The following LRMDA variants were observed in gnomAD, a reference collection of about 807,000 sequenced individuals.
The protein encoded by LRMDA is leucine rich melanocyte differentiation associated.
Under a neutral mutation model 29.8 loss-of-function variants are expected in LRMDA, and 18 were observed. The observed-to-expected ratio is 0.60, with a 90% confidence interval of 0.42 to 0.90. The LOEUF is 0.90. Ranked by LOEUF, LRMDA falls within the 40% of genes least tolerant of loss-of-function variation. The pLI, the probability that LRMDA is intolerant of heterozygous loss-of-function variation, is 0.00. For synonymous variants in LRMDA, 125 were observed against 109.4 expected (o/e 1.14, Z -0.89); for missense variants, 273 against 273.9 (o/e 1.00, Z 0.02).
intron 2 of LRMDA, among the ~76,000 whole-genome samples, chr10:75,728,285 C>A (rs887640583): frequency 2.0e-5 from 3 of 152,142 alleles, no homozygotes; most frequent in Non-Finnish European, 4.4e-5. Flanking sequence ...ATAACAATAA[C>A]CCAGACCAAC....
intron 5 of LRMDA, among the ~76,000 whole-genome samples, chr10:76,203,668 A>G (rs901461897): frequency 4.0e-5 from 6 of 151,778 alleles, no homozygotes; most frequent in African/African-American, 1.5e-4. Context: ...CCGTCCACCC[A>G]TCTCTATTCC....
chr10:76,164,803 T>G (rs911703140), intron 5 of LRMDA, among the ~76,000 whole-genome samples: 1 of 152,208 alleles, frequency 6.6e-6, no homozygotes, highest in African/African-American at 2.4e-5. Flanking sequence ...TTTTATTGAA[T>G]TTATTTATTT....
intron 2 of LRMDA, among the ~76,000 whole-genome samples, chr10:75,454,608 G>A (rs1375890715): frequency 6.6e-6 from 1 of 152,208 alleles, no homozygotes; most frequent in East Asian, 1.9e-4. Flanking sequence ...CTCCGAAAGT[G>A]CTGTGAGCCA....
intron 6 of LRMDA, among the ~76,000 whole-genome samples, chr10:76,332,989 G>T (rs558577610): frequency 6.6e-6 from 1 of 152,302 alleles, no homozygotes; most frequent in South Asian, 2.1e-4. Context: ...AGCTGCAAAT[G>T]CTCTCAACGT....
intron 5 of LRMDA, among the ~76,000 whole-genome samples, chr10:76,245,463 C>G (rs1056043745): frequency 6.6e-6 from 1 of 152,176 alleles, no homozygotes; most frequent in Non-Finnish European, 1.5e-5. Flanking sequence ...GTACATTTCC[C>G]TATGTCTCCG....
intron 2 of LRMDA, among the ~76,000 whole-genome samples, chr10:75,652,916 T>A (rs1407186252): frequency 1.3e-5 from 2 of 152,238 alleles, no homozygotes; most frequent in Non-Finnish European, 2.9e-5. Context: ...GTAAAGCTCA[T>A]ACTTTTATTT....
chr10:75,553,801 A>G (rs530243847), intron 2 of LRMDA, among the ~76,000 whole-genome samples: 1 of 152,158 alleles, frequency 6.6e-6, no homozygotes, highest in Admixed American at 6.5e-5. Flanking sequence ...GCAAGATTTC[A>G]TGCCTGTGCA....
At chr10:75,781,497 C>G (rs1484670296) in intron 2 of LRMDA, among the ~76,000 whole-genome samples, 1 of 152,026 alleles carries the variant, frequency 6.6e-6, no homozygotes, top group South Asian at 2.1e-4. Context: ...TAGAGTATAC[C>G]GTTTGTGGAG....
At chr10:75,489,138 C>T (rs566911639) in intron 2 of LRMDA, among the ~76,000 whole-genome samples, 50 of 151,164 alleles carry the variant, frequency 3.3e-4, no homozygotes, top group Middle Eastern at 3.4e-3. Context: ...TGAACCGCCT[C>T]GACCATGGAG....
At chr10:75,940,116 C>T (rs1046563132) in intron 2 of LRMDA, among the ~76,000 whole-genome samples, 1 of 152,122 alleles carries the variant, frequency 6.6e-6, no homozygotes, top group Non-Finnish European at 1.5e-5. Flanking sequence ...GAGTACCTAA[C>T]TTAATTCTGG....
At chr10:75,856,242 G>A (rs1044206400) in intron 2 of LRMDA, among the ~76,000 whole-genome samples, 2 of 152,062 alleles carry the variant, frequency 1.3e-5, no homozygotes, top group African/African-American at 4.8e-5. Flanking sequence ...TTATTTCATT[G>A]AGCAGTGGTT....
At chr10:75,762,111 C>A (rs1843105153) in intron 2 of LRMDA, among the ~76,000 whole-genome samples, 1 of 152,156 alleles carries the variant, frequency 6.6e-6, no homozygotes, top group Admixed American at 6.5e-5. Context: ...CCATGCCAGG[C>A]CTGGCATAAT....
At chr10:76,315,565 G>A (rs548159944) in intron 5 of LRMDA, among the ~76,000 whole-genome samples, 5 of 152,258 alleles carry the variant, frequency 3.3e-5, no homozygotes, top group African/African-American at 1.2e-4. Context: ...AGCGCCCCCT[G>A]CTGCCTTGGC....
intron 2 of LRMDA, among the ~76,000 whole-genome samples, chr10:75,834,445 C>T (rs1232484874): frequency 6.6e-6 from 1 of 152,156 alleles, no homozygotes; most frequent in Non-Finnish European, 1.5e-5. Context: ...GGCAGTGAAC[C>T]TCCTAATTTT....
intron 5 of LRMDA, among the ~76,000 whole-genome samples, chr10:76,118,862 T>G (rs1457024471): frequency 6.8e-6 from 1 of 147,250 alleles, no homozygotes; most frequent in Non-Finnish European, 1.5e-5. Flanking sequence ...TTTTTTTTTT[T>G]TTTGAGCAGT....
chr10:76,181,565 T>G (rs1851050928), intron 5 of LRMDA, among the ~76,000 whole-genome samples: 1 of 151,900 alleles, frequency 6.6e-6, no homozygotes, highest in South Asian at 2.1e-4. Flanking sequence ...CCTTGAAGAG[T>G]GTTTTTGTTG....
intron 2 of LRMDA, among the ~76,000 whole-genome samples, chr10:75,541,425 C>G (rs1840014092): frequency 1.5e-5 from 2 of 137,368 alleles, no homozygotes; most frequent in Non-Finnish European, 1.5e-5. Context: ...TTTTTTTAAG[C>G]AGAGACTATT....
chr10:76,260,474 CA>C (rs1222658657), intron 5 of LRMDA, among the ~76,000 whole-genome samples: 7 of 152,078 alleles, frequency 4.6e-5, no homozygotes, highest in African/African-American at 1.2e-4. Flanking sequence ...TCTTGGCTGA[CA>C]TTTTTTTTTC....
Position 75,431,773 on chromosome 10 carries a change from C to G in LRMDA, c.30+19C>G. 2 of 1,359,508 alleles carry G rather than the reference C, an allele frequency of 1.5e-6. No homozygotes were observed. The highest frequency in any genetic ancestry group is 3.1e-5 in the East Asian group (1 of 32,608). The allele number at this position is 1,359,508 out of a possible 1,614,324, so 84.2% of individuals were successfully genotyped here. ...AACTCAAGTAAGTCCCGGCCAGCCC[C>G]GCCTCCGCCCGGGGCGCAGTCCGCG... On this transcript the variant is annotated intron_variant, in intron 1 of 6. Transcript: ENST00000611255.
Sources: allele counts gnomAD v4.1 joint callset (sites outside exome capture counted in the v4.1 genomes callset), GRCh38; gene constraint gnomAD v4.1.1; transcripts MANE v1.5; gene names NCBI Gene and HGNC (gene_info 2026-07-23, HGNC 2026-07-21).